Variants in EHBP1 observed in about 807,000 individuals in gnomAD.
The protein encoded by EHBP1 is EH domain-binding protein 1.
EHBP1 carries 55 observed loss-of-function variants against 144.0 expected under a neutral mutation model. That is an observed-to-expected ratio of 0.38 (90% CI 0.31 to 0.48). The LOEUF (loss-of-function observed/expected upper bound fraction) is 0.48. Among genes scored for constraint, EHBP1 ranks in the 20% least tolerant of loss-of-function variants. The pLI, the probability that EHBP1 is intolerant of heterozygous loss-of-function variation, is 0.98. For synonymous variants in EHBP1, 469 were observed against 472.7 expected, an observed-to-expected ratio of 0.99 and a Z score of 0.10; for missense variants, 1,200 against 1,364.2, an observed-to-expected ratio of 0.88 and a Z score of 1.90.
intron 16 of EHBP1, among the ~76,000 whole-genome samples, chr2:62,992,123 G>A (rs1161299734): frequency 6.6e-6 from 1 of 152,182 alleles, no homozygotes; most frequent in East Asian, 1.9e-4. Flanking sequence ...GGTTTCTTAA[G>A]ATGGGATTTG....
intron 21 of EHBP1, 121 bp downstream of exon 21, chr2:63,038,937 A>T: frequency 1.2e-6 from 1 of 807,628 alleles, no homozygotes; most frequent in East Asian, 2.6e-5. Flanking sequence ...GGAATTGCAA[A>T]TAAATGCCGT....
chr2:62,939,650 G>T (rs1326931677), intron 10 of EHBP1, among the ~76,000 whole-genome samples: 1 of 151,852 alleles, frequency 6.6e-6, no homozygotes, highest in Non-Finnish European at 1.5e-5. Context: ...GCAGATATCT[G>T]AGAGAGTACC....
At chr2:62,984,603 G>A (rs1449865665) in intron 15 of EHBP1, among the ~76,000 whole-genome samples, 1 of 152,186 alleles carries the variant, frequency 6.6e-6, no homozygotes, top group Non-Finnish European at 1.5e-5. Flanking sequence ...ATTTCTTACA[G>A]GTGTTAGGAA....
At chr2:62,752,171 T>C (rs996430770) in intron 3 of EHBP1, among the ~76,000 whole-genome samples, 1 of 152,228 alleles carries the variant, frequency 6.6e-6, no homozygotes, top group Non-Finnish European at 1.5e-5. Flanking sequence ...CCAGAGATTC[T>C]GGTATGTTAT....
intron 16 of EHBP1, among the ~76,000 whole-genome samples, 164 bp from the exon 17 acceptor site, chr2:62,993,366 G>A (rs982249462): frequency 6.6e-6 from 1 of 152,094 alleles, no homozygotes; most frequent in South Asian, 2.1e-4. Context: ...GTGATTACAG[G>A]CAACAGAACT....
Position 62,747,395 on chromosome 2 carries a change from G to A in EHBP1, c.105G>A (p.Trp35Ter). 1 of 1,607,856 alleles carries A rather than the reference G, an allele frequency of 6.2e-7. No homozygotes were observed. Among genetic ancestry groups the A allele is most frequent in the Middle Eastern group, 1.8e-4 (1 of 5,642 alleles). Residue 35 changes from tryptophan (W) to a stop codon, truncating the protein, a stop_gained and splice_region_variant, in exon 3 of 23, where the codon TGG becomes TGA. Transcript: ENST00000431489. LOFTEE classifies it high-confidence loss of function. ...GTTTAACTTTTTTTTTGTTTGGCAG[G>A]CAACCAGATAAACTGGTGGTAGTTT... ...QELMVECTKKWQPDKLVVVWT... is the reference protein window; with the variant it reads ...QELMVECTKK
At chr2:62,783,566 C>A (rs538191278) in intron 5 of EHBP1, among the ~76,000 whole-genome samples, 61 of 152,374 alleles carry the variant, frequency 4.0e-4, no homozygotes, top group African/African-American at 1.3e-3. Context: ...CCCAACACCA[C>A]GTAGAAGCTG....
intron 14 of EHBP1, among the ~76,000 whole-genome samples, chr2:62,971,086 T>C (rs904691085): frequency 6.6e-6 from 1 of 152,198 alleles, no homozygotes; most frequent in Non-Finnish European, 1.5e-5. Flanking sequence ...CTATGGCAGA[T>C]TGTAGACCAT....
chr2:62,847,264 A>G (rs1335750643), intron 7 of EHBP1, among the ~76,000 whole-genome samples: 2 of 152,168 alleles, frequency 1.3e-5, no homozygotes, highest in Middle Eastern at 3.2e-3. Flanking sequence ...TGTATGGAAA[A>G]AATGAACCTC....
chr2:62,826,340 T>C (rs2046344957), intron 6 of EHBP1, 72 bp downstream of exon 6: 3 of 1,367,986 alleles, frequency 2.2e-6, no homozygotes, highest in Non-Finnish European at 2.9e-6. Context: ...CTCAGTAGAC[T>C]GGCAATAGTT....
chr2:62,920,289 T>A (rs574832502), intron 10 of EHBP1, among the ~76,000 whole-genome samples: 1 of 152,266 alleles, frequency 6.6e-6, no homozygotes, highest in South Asian at 2.1e-4. Context: ...CAGTAACTTT[T>A]GAGACCAGAA....
intron 7 of EHBP1, among the ~76,000 whole-genome samples, chr2:62,846,895 T>C (rs540665435): frequency 2.0e-4 from 30 of 152,310 alleles, no homozygotes; most frequent in South Asian, 1.9e-3. Context: ...TGTTAAGATA[T>C]CATTTTTCCT....
rs183647458 is a variant in EHBP1 at position 62,716,507 on chromosome 2, C to T, written c.104+9212C>T. 6.6e-5 allele frequency among the ~76,000 whole-genome samples: 10 copies of T among 152,244 alleles called. No homozygotes were observed. The East Asian group carries it at 1.2e-3, about 18-fold the overall frequency. ...TTCCTTTGAGGGCAGATTGGCTTTC[C>T]AAATAGATTGGTATCATGTGAACTG... On this transcript the variant is annotated intron_variant, in intron 2 of 22. Transcript: ENST00000431489.
intron 3 of EHBP1, among the ~76,000 whole-genome samples, chr2:62,754,558 G>GC (rs1392711677): frequency 3.3e-5 from 5 of 152,228 alleles, no homozygotes; most frequent in African/African-American, 9.6e-5. Context: ...GGTTTCTGCT[G>GC]CCTTTTGTTC....
At chr2:62,912,789 G>A (rs1001759914) in intron 10 of EHBP1, among the ~76,000 whole-genome samples, 6 of 151,926 alleles carry the variant, frequency 3.9e-5, no homozygotes, top group Non-Finnish European at 5.9e-5. Flanking sequence ...TATAGACTTC[G>A]GAATCACACA....
intron 5 of EHBP1, among the ~76,000 whole-genome samples, chr2:62,822,195 A>G (rs1418625700): frequency 2.0e-5 from 3 of 152,138 alleles, no homozygotes; most frequent in Non-Finnish European, 4.4e-5. Context: ...AAATTGTAAG[A>G]TCTTTCCCCC....
intron 1 of EHBP1, among the ~76,000 whole-genome samples, chr2:62,698,781 T>C (rs1033297012): frequency 6.6e-6 from 1 of 152,228 alleles, no homozygotes; most frequent in Non-Finnish European, 1.5e-5. Flanking sequence ...TCTCATGTTA[T>C]TGCCCTTGCC....
At chr2:63,028,211 T>A (rs1033052958) in intron 19 of EHBP1, among the ~76,000 whole-genome samples, 31 of 152,212 alleles carry the variant, frequency 2.0e-4, no homozygotes, top group African/African-American at 7.5e-4. Flanking sequence ...AACATGGACA[T>A]GATAAATATA....
At chr2:62,874,830 AGGAG>A (rs1358676443) in intron 10 of EHBP1, among the ~76,000 whole-genome samples, 1 of 152,150 alleles carries the variant, frequency 6.6e-6, no homozygotes, top group African/African-American at 2.4e-5. Context: ...CTATAACTAT[AGGAG>A]AGCTTCAGCA....
Sources: gnomAD v4.1 joint callset for allele counts (sites outside exome capture counted in the v4.1 genomes callset) on GRCh38, gnomAD v4.1.1 for gene constraint, MANE v1.5 for transcripts, NCBI Gene and HGNC (gene_info 2026-07-23, HGNC 2026-07-21) for gene names.